SCGB2A2: variants seen among roughly 807,000 people sequenced by gnomAD.
SCGB2A2 encodes the protein mammaglobin-A.
In SCGB2A2, 11 loss-of-function variants were observed where a neutral mutation model predicts 8.8. The observed-to-expected ratio is 1.25, with a 90% CI of 0.79 to 2.07. SCGB2A2 has a LOEUF of 2.07. SCGB2A2 is among the 30% of genes most tolerant of loss of function. The probability of loss-of-function intolerance (pLI) is 0.00; values close to 1 mark genes in which losing one functional copy is unlikely to be tolerated. For missense variants in SCGB2A2, 113 were observed against 109.9 expected (o/e 1.03, Z -0.13); for synonymous variants, 42 against 40.9 (o/e 1.03, Z -0.10).
intron 1 of SCGB2A2, among the ~76,000 whole-genome samples, chr11:62,270,576 A>C (rs1029988462): frequency 4.6e-5 from 7 of 152,334 alleles, no homozygotes; most frequent in Non-Finnish European, 8.8e-5. Flanking sequence ...TGAACCAAAG[A>C]AGACCAAATA....
intron 2 of SCGB2A2, chr11:62,271,955 ATTTC>A: frequency 1.1e-6 from 1 of 926,188 alleles, no homozygotes. Flanking sequence ...ATAGTTTTGT[ATTTC>A]TTTCTAACTA....
chr11:62,272,383 A>T (rs1244519724), intron 2 of SCGB2A2, among the ~76,000 whole-genome samples: 1 of 152,212 alleles, frequency 6.6e-6, no homozygotes, highest in Non-Finnish European at 1.5e-5. Flanking sequence ...AACCACACGA[A>T]TATACAGAAC....
In SCGB2A2 at chr11:62,270,272, G is replaced by T. The variant is rs1428174042; in HGVS notation, c.55+1G>T. On this transcript the variant is annotated splice_donor_variant, in intron 1 of 2. Coordinates refer to ENST00000227918, the MANE Select transcript of SCGB2A2 (RefSeq NM_002411.4). LOFTEE classifies it high-confidence loss of function. ...GCCCTCTCCCAGCACTGCTACGCAG[G>T]TGAGTTCTGTGCAGGGAGGGCTGCC... 1.9e-6 allele frequency: 3 copies of T among 1,613,764 alleles called. No individual in the cohort carries two copies. Among genetic ancestry groups the T allele is most frequent in the Admixed American group, 1.7e-5 (1 of 60,016 alleles).
At chr11:62,272,263 A>T (rs1473124145) in intron 2 of SCGB2A2, among the ~76,000 whole-genome samples, 2 of 152,046 alleles carry the variant, frequency 1.3e-5, no homozygotes, top group Non-Finnish European at 2.9e-5. Flanking sequence ...GTGAAAAAAA[A>T]AAAAACAGTG....
intron 1 of SCGB2A2, 37 bp downstream of exon 1, chr11:62,270,308 G>C: frequency 1.2e-6 from 2 of 1,603,210 alleles, no homozygotes; most frequent in Non-Finnish European, 8.5e-7. Context: ...TCGGGGTTAG[G>C]GGTTGTCACT....
intron 2 of SCGB2A2, chr11:62,271,296 C>T (rs571813443): frequency 6.9e-7 from 1 of 1,447,114 alleles, no homozygotes; most frequent in South Asian, 1.5e-5. Context: ...ATGAATAGGG[C>T]AAGAGAGGAA....
At chr11:62,271,607 A>G (rs1945279730) in intron 2 of SCGB2A2, 27 of 1,030,558 alleles carry the variant, frequency 2.6e-5, no homozygotes, top group Non-Finnish European at 2.9e-5. Flanking sequence ...ACACACAAAC[A>G]CACTCAGACA....
chr11:62,271,671 C>T, intron 2 of SCGB2A2: 2 of 992,386 alleles, frequency 2.0e-6, no homozygotes, highest in Non-Finnish European at 2.4e-6. Context: ...TTCCAGAAGA[C>T]CCGCACCTAT....
At chr11:62,271,275 G>A in intron 2 of SCGB2A2, 1 of 1,458,662 alleles carries the variant, frequency 6.9e-7, no homozygotes, top group East Asian at 2.5e-5. Flanking sequence ...AGAATCCTCA[G>A]TGGATGATAA....
Position 62,270,364 on chromosome 11 carries a change from T to C in SCGB2A2, c.55+93T>C, listed in dbSNP as rs1460690209. ...CCTGCTCCCCAATTCTCAGCAGAGA[T>C]CAGCCCCAGTACAAAGGCTGTAGGT... is the stretch of plus-strand genomic sequence containing the variant. On this transcript the variant is annotated intron_variant, in intron 1 of 2. Transcript: ENST00000227918. The C allele has an allele frequency of 2.6e-6, 3 of 1,172,722 alleles. No homozygotes were observed. In the African/African-American group the frequency reaches 4.5e-5, roughly 18 times the overall value. 72.6% of individuals were successfully genotyped at this position (1,172,722 alleles called of 1,614,324 possible).
intron 2 of SCGB2A2, among the ~76,000 whole-genome samples, chr11:62,272,647 CTTTTTTT>C (rs71886885): frequency 6.4e-5 from 6 of 94,462 alleles, no homozygotes; most frequent in African/African-American, 2.4e-4. Context: ...CAAAGTTTCA[CTTTTTTT>C]TTTTTTTTTT....
Position 62,271,046 on chromosome 11 carries a change from T to C in SCGB2A2, c.221T>C (p.Leu74Pro). The C allele has an allele frequency of 1.2e-6, 2 of 1,614,238 alleles. No individual in the cohort carries two copies. Among genetic ancestry groups the C allele is most frequent in the Non-Finnish European group, 1.7e-6 (2 of 1,180,038 alleles). Reference protein sequence around the residue: ...ECFLNQTDETLSNVEVFMQLI... With the variant: ...ECFLNQTDETPSNVEVFMQLI... ...TTTCTTAACCAAACGGATGAAACTCTGAGCAATGTTGAGGTGTTTATGGTA... is the reference window on the plus strand; with the variant it reads ...TTTCTTAACCAAACGGATGAAACTCCGAGCAATGTTGAGGTGTTTATGGTA... Residue 74 changes from leucine (L) to proline (P), a missense_variant, in exon 2 of 3, where the codon CTG (leucine) becomes CCG (proline). Coordinates refer to ENST00000227918, the MANE Select transcript of SCGB2A2 (RefSeq NM_002411.4).
chr11:62,270,938 C>T lies in SCGB2A2; in HGVS notation c.113C>T (p.Ser38Phe). The T allele has an allele frequency of 6.2e-7, 1 of 1,614,170 alleles. No individual in the cohort carries two copies. Among genetic ancestry groups the T allele is most frequent in the Non-Finnish European group, 8.5e-7 (1 of 1,180,020 alleles). ...VISKTINPQV[S>F]KTEYKELLQE... Reference sequence around the variant, plus strand: ...TCCAAGACAATCAATCCACAAGTGTCTAAGACTGAATACAAAGAACTTCTT... The same window carrying T: ...TCCAAGACAATCAATCCACAAGTGTTTAAGACTGAATACAAAGAACTTCTT... The change falls in exon 2 of 3, where the codon TCT becomes TTT. Residue 38 changes from serine (S) to phenylalanine (F), a missense_variant. Physicochemically the swap from Ser to Phe is radical, Grantham distance 155. Coordinates refer to ENST00000227918, the MANE Select transcript of SCGB2A2 (RefSeq NM_002411.4).
intron 2 of SCGB2A2, chr11:62,271,634 T>C (rs1454199571): frequency 1.0e-6 from 1 of 1,001,642 alleles, no homozygotes; most frequent in Non-Finnish European, 1.2e-6. Context: ...TACAAACATA[T>C]GTTCACTCTC....
chr11:62,271,287 T>C, intron 2 of SCGB2A2: 1 of 1,454,650 alleles, frequency 6.9e-7, no homozygotes, highest in Admixed American at 2.7e-5. Flanking sequence ...GGATGATAAA[T>C]GAATAGGGCA....
At chr11:62,272,478 A>G (rs1194064614) in intron 2 of SCGB2A2, among the ~76,000 whole-genome samples, 10 of 152,124 alleles carry the variant, frequency 6.6e-5, no homozygotes, top group African/African-American at 2.4e-4. Flanking sequence ...CTAATTATCA[A>G]CTGCAGGGAA....
At chr11:62,271,380 C>G in intron 2 of SCGB2A2, 4 of 1,433,030 alleles carry the variant, frequency 2.8e-6, no homozygotes, top group Non-Finnish European at 3.6e-6. Flanking sequence ...GACACAATCA[C>G]ACAAACACAG....
chr11:62,270,262 T>C lies in SCGB2A2; in HGVS notation c.46T>C (p.Cys16Arg). 9 of 1,613,920 alleles carry C rather than the reference T, an allele frequency of 5.6e-6. No homozygotes were observed. The highest frequency in any genetic ancestry group is 7.6e-6 in the Non-Finnish European group (9 of 1,179,914). The change falls in exon 1 of 3, where the codon TGC becomes CGC. Residue 16 changes from cysteine (C) to arginine (R), a missense_variant. By Grantham distance (180) the Cys-to-Arg change is radical. Transcript: ENST00000227918. ...VLMLAALSQH[C>R]YAGSGCPLLE... The stretch of plus-strand genomic sequence containing the variant: ...CATGCTGGCGGCCCTCTCCCAGCAC[T>C]GCTACGCAGGTGAGTTCTGTGCAGG...
intron 1 of SCGB2A2, 115 bp from the exon 2 acceptor site, chr11:62,270,766 A>G: frequency 1.3e-6 from 1 of 762,848 alleles, no homozygotes; most frequent in South Asian, 1.9e-5. Context: ...ATTCTGCATC[A>G]TTATCTTTGA....
Sources: gnomAD v4.1 joint callset for allele counts (sites outside exome capture counted in the v4.1 genomes callset) on GRCh38, gnomAD v4.1.1 for gene constraint, MANE v1.5 for transcripts, NCBI Gene and HGNC (gene_info 2026-07-23, HGNC 2026-07-21) for gene names.